ZDHHC7: variants seen among roughly 807,000 people sequenced by gnomAD.
ZDHHC7 encodes the protein zDHHC palmitoyltransferase 7, also known as palmitoyltransferase ZDHHC7.
ZDHHC7 carries 12 observed loss-of-function variants against 34.1 expected under a neutral mutation model. The ratio of observed to expected loss-of-function variants is 0.35; its 90% CI spans 0.23 to 0.57. ZDHHC7 has a LOEUF of 0.57. Among genes scored for constraint, ZDHHC7 ranks in the 20% least tolerant of loss-of-function variants. The pLI, the probability that ZDHHC7 is intolerant of heterozygous loss-of-function variation, is 0.84. For synonymous variants in ZDHHC7, 185 were observed against 155.4 expected (o/e 1.19, Z -1.42); for missense variants, 388 against 402.7 (o/e 0.96, Z 0.31).
At chr16:85,005,269 G>T (rs533703586) in intron 1 of ZDHHC7, among the ~76,000 whole-genome samples, 1 of 152,204 alleles carries the variant, frequency 6.6e-6, no homozygotes, top group Non-Finnish European at 1.5e-5. Flanking sequence ...AATACAAAAT[G>T]AGCTTTTATA....
intron 2 of ZDHHC7, among the ~76,000 whole-genome samples, chr16:84,994,955 G>A (rs547634629): frequency 1.6e-4 from 25 of 152,176 alleles, no homozygotes; most frequent in Non-Finnish European, 2.2e-4. Flanking sequence ...GCAACAGGAA[G>A]GGAGGGGAAG....
rs555627219 is a variant in ZDHHC7 at position 84,998,748 on chromosome 16, C to A, written c.-103-2741G>T. ...GCTCCAGCTCTCAATCCCTTCTGAA[C>A]CTTTTTTTTTTTTTTTTTTTTTTGA... On this transcript the variant is annotated intron_variant, in intron 1 of 7. Coordinates refer to ENST00000313732, the MANE Select transcript of ZDHHC7 (RefSeq NM_017740.3). 2.8e-5 allele frequency among the ~76,000 whole-genome samples: 4 copies of A among 144,084 alleles called. No homozygotes were observed. In the South Asian group the frequency reaches 8.7e-4, roughly 31 times the overall value. 94.5% of individuals were successfully genotyped at this position (144,084 alleles called of 152,430 possible). A position where few individuals can be genotyped will look rare whatever the true frequency, so the allele number is the denominator to read the frequency against.
chr16:85,004,083 T>A (rs1339880535), intron 1 of ZDHHC7, among the ~76,000 whole-genome samples: 3 of 151,870 alleles, frequency 2.0e-5, no homozygotes, highest in Admixed American at 2.0e-4. Context: ...CCTAAGGGCG[T>A]CTATCCAACT....
At chr16:85,017,132 A>G in the ZDHHC7 span, among the ~76,000 whole-genome samples, 5 of 152,324 alleles carry the variant, frequency 3.3e-5, no homozygotes, top group African/African-American at 1.2e-4. Flanking sequence ...AATCATGAGC[A>G]TGTATTCATT....
At chr16:84,997,895 T>TAAA (rs751166134) in intron 1 of ZDHHC7, among the ~76,000 whole-genome samples, 6 of 64,424 alleles carry the variant, frequency 9.3e-5, no homozygotes, top group Non-Finnish European at 1.5e-4. Flanking sequence ...AGACTCCGTC[T>TAAA]AAAAAAAAAA....
upstream of ZDHHC7, among the ~76,000 whole-genome samples, chr16:85,014,556 A>T (rs2072826519): frequency 6.6e-6 from 1 of 152,190 alleles, no homozygotes; most frequent in African/African-American, 2.4e-5. Flanking sequence ...CTCCTAGTCA[A>T]CTACAGAACA....
At chr16:85,006,972 AAC>A (rs2072725151) in intron 1 of ZDHHC7, among the ~76,000 whole-genome samples, 1 of 151,776 alleles carries the variant, frequency 6.6e-6, no homozygotes, top group Admixed American at 6.6e-5. Flanking sequence ...TCATTCACCA[AAC>A]AGTTTTCAAG....
At position 84,977,947 on chromosome 16, in the gene ZDHHC7, G is replaced by A; in HGVS notation, c.596C>T (p.Ser199Phe). The A allele has an allele frequency of 1.2e-6, 2 of 1,614,102 alleles. No homozygotes were observed. Among genetic ancestry groups the A allele is most frequent in the Non-Finnish European group, 8.5e-7 (1 of 1,179,992 alleles). Residue 199 changes from serine (S) to phenylalanine (F), a missense_variant, in exon 6 of 8, where the codon TCC (serine) becomes TTC (phenylalanine). Physicochemically the swap from Ser to Phe is radical, Grantham distance 155. Coordinates refer to ENST00000313732, the MANE Select transcript of ZDHHC7 (RefSeq NM_017740.3). ...ALILCGFQFI[S>F]CVRGQWTECS... is the part of the protein sequence containing the mutation. The stretch of plus-strand genomic sequence containing the variant: ...ACCAGTCCACTGCCCTCGGACACAG[G>A]AGATGAACTGAAATCCACAAAGGAT...
At chr16:85,015,939 A>AT (rs1283814851), upstream of ZDHHC7, among the ~76,000 whole-genome samples, 3 of 152,146 alleles carry the variant, frequency 2.0e-5, no homozygotes, top group Admixed American at 6.5e-5. Flanking sequence ...ATTTGGTGTC[A>AT]TATGACAAAA....
At chr16:84,990,059 G>C (rs1031251733) in intron 3 of ZDHHC7, among the ~76,000 whole-genome samples, 1 of 152,138 alleles carries the variant, frequency 6.6e-6, no homozygotes, top group African/African-American at 2.4e-5. Flanking sequence ...TGAAAGCCCA[G>C]CTGGAAGCTG....
chr16:84,985,721 G>C (rs538254351), intron 3 of ZDHHC7, among the ~76,000 whole-genome samples: 2 of 152,030 alleles, frequency 1.3e-5, no homozygotes, highest in Non-Finnish European at 2.9e-5. Context: ...TTGGGAGGCC[G>C]AGGCAGGCGG....
Position 84,990,235 on chromosome 16 carries a change from G to C in ZDHHC7, c.315+69C>G, listed in dbSNP as rs190918167. The C allele has an allele frequency of 1.8e-4, 279 of 1,545,970 alleles. No homozygotes were observed. The African/African-American group carries it at 3.3e-3, about 18-fold the overall frequency. ...GTCCCTGTGCACTGCTTCCTCCAAA[G>C]GGTCAGCCACACCCGAGGACACTAG... On this transcript the variant is annotated intron_variant, in intron 3 of 7. Transcript: ENST00000313732.
intron 1 of ZDHHC7, among the ~76,000 whole-genome samples, chr16:85,008,776 T>C (rs935705886): frequency 1.3e-5 from 2 of 151,044 alleles, no homozygotes; most frequent in Non-Finnish European, 2.9e-5. Context: ...TCAGGCACAG[T>C]GGCTCACGCC....
At chr16:84,981,734 C>G in intron 4 of ZDHHC7, 136 bp downstream of exon 4, 1 of 1,517,664 alleles carries the variant, frequency 6.6e-7, no homozygotes, top group East Asian at 2.3e-5. Context: ...ATGACACCTA[C>G]GGCCCCGCCC....
chr16:85,020,538 C>T, the ZDHHC7 span, among the ~76,000 whole-genome samples: 1,570 of 152,258 alleles, frequency 0.01, 33 homozygotes, highest in African/African-American at 0.036. Context: ...ATGTGAAAGA[C>T]ATGGATATTT....
intron 1 of ZDHHC7, among the ~76,000 whole-genome samples, chr16:85,003,117 G>GTCT (rs2072673935): frequency 6.6e-6 from 1 of 152,130 alleles, no homozygotes; most frequent in African/African-American, 2.4e-5. Context: ...AGATGCAAGC[G>GTCT]GGAGAGGCCA....
chr16:84,979,971 T>C (rs1415221743), intron 4 of ZDHHC7, among the ~76,000 whole-genome samples: 4 of 106,694 alleles, frequency 3.7e-5, no homozygotes, highest in Non-Finnish European at 1.9e-5. Flanking sequence ...TTTTTTTTTT[T>C]TGAGATGGAG....
intron 4 of ZDHHC7, among the ~76,000 whole-genome samples, chr16:84,979,948 C>CTTTTTTT (rs1567492505): frequency 7.4e-6 from 1 of 135,136 alleles, no homozygotes; most frequent in African/African-American, 2.9e-5. Flanking sequence ...CATAGCGTCA[C>CTTTTTTT]CTTTTTTTTT....
Position 84,990,594 on chromosome 16 carries a change from G to A in ZDHHC7, c.25C>T (p.Arg9Trp), listed in dbSNP as rs756549283. Reference protein sequence around the residue: MQPSGHRLRDVEHHPLLAE... With the variant: MQPSGHRLWDVEHHPLLAE... ...AGGAGAGGATGATGCTCGACGTCCC[G>A]GAGCCTGTGTCCTGATGGCTGCATG... The change falls in exon 3 of 8, where the codon CGG becomes TGG. Residue 9 changes from arginine to tryptophan, a missense_variant. Coordinates refer to ENST00000313732, the MANE Select transcript of ZDHHC7 (RefSeq NM_017740.3). The A allele has an allele frequency of 1.2e-5, 19 of 1,613,840 alleles. No individual in the cohort carries two copies. Among genetic ancestry groups the A allele is most frequent in the Middle Eastern group, 1.6e-4 (1 of 6,062 alleles).
Sources: gnomAD v4.1 joint callset for allele counts (sites outside exome capture counted in the v4.1 genomes callset) on GRCh38, gnomAD v4.1.1 for gene constraint, MANE v1.5 for transcripts, NCBI Gene and HGNC (gene_info 2026-07-23, HGNC 2026-07-21) for gene names.